ARHGAP42: variants seen among roughly 807,000 people sequenced by gnomAD.
ARHGAP42 encodes Rho GTPase activating protein 42.
Under a neutral mutation model 125.0 loss-of-function variants are expected in ARHGAP42, and 63 were observed. The ratio of observed to expected loss-of-function variants is 0.50; its 90% CI spans 0.41 to 0.62. The LOEUF is 0.62. Ranked by LOEUF, ARHGAP42 falls within the 20% of genes least tolerant of loss-of-function variation. The probability of loss-of-function intolerance (pLI) is 0.00; values close to 1 mark genes in which losing one functional copy is unlikely to be tolerated. For missense variants in ARHGAP42, 766 were observed against 1,024.2 expected, an observed-to-expected ratio of 0.75 and a Z score of 3.44; for synonymous variants, 339 against 351.0, an observed-to-expected ratio of 0.97 and a Z score of 0.38.
At chr11:100,701,422 G>A (rs1311191891) in intron 1 of ARHGAP42, among the ~76,000 whole-genome samples, 1 of 152,178 alleles carries the variant, frequency 6.6e-6, no homozygotes, top group African/African-American at 2.4e-5. Flanking sequence ...GTCCTACATG[G>A]CATCTTCTTC....
At chr11:100,902,151 C>A (rs1004691446) in intron 4 of ARHGAP42, among the ~76,000 whole-genome samples, 40 of 152,342 alleles carry the variant, frequency 2.6e-4, no homozygotes, top group Middle Eastern at 3.4e-3. Flanking sequence ...TATTCTATAA[C>A]AATGACCAAA....
chr11:100,946,130 A>G (rs1868010199), intron 10 of ARHGAP42, among the ~76,000 whole-genome samples: 1 of 152,042 alleles, frequency 6.6e-6, no homozygotes, highest in Non-Finnish European at 1.5e-5. Flanking sequence ...TTCCTCAAAC[A>G]TCATGAACCA....
chr11:100,940,727 T>G (rs1348122439), intron 8 of ARHGAP42, among the ~76,000 whole-genome samples: 1 of 152,168 alleles, frequency 6.6e-6, no homozygotes, highest in Non-Finnish European at 1.5e-5. Flanking sequence ...CTAAGGTCAG[T>G]AGAGTCTTAG....
chr11:100,687,512 AG>A lies in ARHGAP42; in HGVS notation c.-165del. 1 of 368,250 alleles carries A rather than the reference AG, an allele frequency of 2.7e-6. No individual in the cohort carries two copies. Among genetic ancestry groups the A allele is most frequent in the Non-Finnish European group, 4.1e-6 (1 of 243,532 alleles). 22.8% of individuals were successfully genotyped at this position (368,250 alleles called of 1,614,324 possible). A position where few individuals can be genotyped will look rare whatever the true frequency, so the allele number is the denominator to read the frequency against. ...GGGGGAGGAAGACTGAGCCCGGCGC[AG>A]GCGGCGCGGCGCTCGGGGCCCGTTT... On this transcript the variant is annotated 5_prime_UTR_variant, in exon 1 of 24. Transcript: ENST00000298815.
chr11:100,821,277 A>G (rs1435490246), intron 3 of ARHGAP42, among the ~76,000 whole-genome samples: 2 of 152,092 alleles, frequency 1.3e-5, no homozygotes, highest in South Asian at 2.1e-4. Context: ...GGGCCCTTTC[A>G]GGTGGGAGGA....
chr11:100,775,676 A>G (rs763640107), intron 2 of ARHGAP42, among the ~76,000 whole-genome samples: 2 of 152,254 alleles, frequency 1.3e-5, no homozygotes, highest in African/African-American at 4.8e-5. Flanking sequence ...GTTTAGCTGC[A>G]TTGATTTAGC....
At chr11:100,755,423 A>T (rs1423791376) in intron 1 of ARHGAP42, among the ~76,000 whole-genome samples, 2 of 152,252 alleles carry the variant, frequency 1.3e-5, no homozygotes, top group Non-Finnish European at 2.9e-5. Flanking sequence ...GTAACAGTAT[A>T]CACAATTTCA....
chr11:100,930,815 G>A (rs1046261544), intron 6 of ARHGAP42, among the ~76,000 whole-genome samples: 4 of 152,186 alleles, frequency 2.6e-5, no homozygotes, highest in Non-Finnish European at 4.4e-5. Context: ...GAATCTGCAA[G>A]CATGAAGTGG....
chr11:100,699,774 C>T (rs1012552291), intron 1 of ARHGAP42, among the ~76,000 whole-genome samples: 5 of 151,874 alleles, frequency 3.3e-5, no homozygotes, highest in Non-Finnish European at 5.9e-5. Flanking sequence ...CCACCCGCCT[C>T]GGACTCCCAA....
At chr11:100,716,508 G>A (rs1001553279) in intron 1 of ARHGAP42, among the ~76,000 whole-genome samples, 1 of 152,150 alleles carries the variant, frequency 6.6e-6, no homozygotes, top group Non-Finnish European at 1.5e-5. Context: ...TTTACTGATT[G>A]TCAATTTCTG....
chr11:100,763,574 G>A (rs1446131371), intron 1 of ARHGAP42, among the ~76,000 whole-genome samples: 2 of 151,730 alleles, frequency 1.3e-5, no homozygotes, highest in African/African-American at 4.8e-5. Context: ...TGCAACCTCC[G>A]CCCCCCGGGT....
In ARHGAP42 at chr11:100,948,619, G is replaced by A. The variant is rs1868088264; in HGVS notation, c.1122+84G>A. 6 of 1,068,094 alleles carry A rather than the reference G, an allele frequency of 5.6e-6. No individual in the cohort carries two copies. In the South Asian group the frequency reaches 1.1e-4, roughly 19 times the overall value. 66.2% of individuals were successfully genotyped at this position (1,068,094 alleles called of 1,614,324 possible). On this transcript the variant is annotated intron_variant, in intron 11 of 23. Transcript: ENST00000298815. ...GGAAATTCTTTTCATAGTATACAAT[G>A]TTTTGCCTGTAGTATAATTGAAAAT...
intron 3 of ARHGAP42, among the ~76,000 whole-genome samples, chr11:100,836,671 A>C (rs1864793779): frequency 6.6e-6 from 1 of 150,910 alleles, no homozygotes; most frequent in South Asian, 2.1e-4. Flanking sequence ...TTTCTCTTTT[A>C]AATGTAAAAC....
Position 100,923,638 on chromosome 11 carries a change from C to T in ARHGAP42, c.597+2034C>T, listed in dbSNP as rs187683677. 8.3e-4 allele frequency among the ~76,000 whole-genome samples: 127 copies of T among 152,142 alleles called. 3 individuals carry two copies. The highest frequency in any genetic ancestry group is 2.9e-3 in the African/African-American group (120 of 41,450). ...AAAAATACAGTAGAGAAGTAGAAGC[C>T]ACCTTTCAATTGAAATGTGTTTTCT... On this transcript the variant is annotated intron_variant, in intron 6 of 23. Coordinates refer to ENST00000298815, the MANE Select transcript of ARHGAP42 (RefSeq NM_152432.4).
intron 1 of ARHGAP42, among the ~76,000 whole-genome samples, chr11:100,736,474 A>C (rs778994136): frequency 3.3e-5 from 5 of 152,120 alleles, no homozygotes; most frequent in African/African-American, 4.8e-5. Flanking sequence ...AAATCATGGG[A>C]CTGCTACCAC....
In ARHGAP42 at chr11:100,990,782, T is replaced by G. The variant is rs1214879145; in HGVS notation, c.*1981T>G. 1 of 152,552 alleles carries G rather than the reference T, an allele frequency of 6.6e-6. No individual in the cohort carries two copies. The highest frequency in any genetic ancestry group is 2.4e-5 in the African/African-American group (1 of 41,456). The allele number at this position is 152,552 out of a possible 1,614,324, so 9.4% of individuals were successfully genotyped here. ...CTTGGTTTAAGCACACTTGCCATCA[T>G]CTGGTATCCTGCTAGACTAGAATCT... On this transcript the variant is annotated 3_prime_UTR_variant, in exon 24 of 24. Coordinates refer to ENST00000298815, the MANE Select transcript of ARHGAP42 (RefSeq NM_152432.4).
intron 12 of ARHGAP42, among the ~76,000 whole-genome samples, chr11:100,956,516 T>A (rs976513756): frequency 6.6e-6 from 1 of 152,078 alleles, no homozygotes; most frequent in Non-Finnish European, 1.5e-5. Context: ...GGCTGCTGGG[T>A]AAAGACACAT....
intron 4 of ARHGAP42, among the ~76,000 whole-genome samples, chr11:100,879,363 C>T (rs1443858748): frequency 6.6e-6 from 1 of 152,126 alleles, no homozygotes; most frequent in Non-Finnish European, 1.5e-5. Context: ...TCTGTCACCC[C>T]GTCTGTGCTT....
At chr11:100,920,292 C>T (rs1867200421) in intron 5 of ARHGAP42, among the ~76,000 whole-genome samples, 1 of 152,136 alleles carries the variant, frequency 6.6e-6, no homozygotes, top group South Asian at 2.1e-4. Flanking sequence ...ATAATTACAG[C>T]TGATTCTTGA....
Sources: gnomAD v4.1 joint callset for allele counts (sites outside exome capture counted in the v4.1 genomes callset) on GRCh38, gnomAD v4.1.1 for gene constraint, MANE v1.5 for transcripts, NCBI Gene and HGNC (gene_info 2026-07-23, HGNC 2026-07-21) for gene names.